The following MED27 variants were observed in gnomAD, a reference collection of about 807,000 sequenced individuals.
MED27 encodes the protein mediator complex subunit 27.
MED27 carries 30 observed loss-of-function variants against 38.2 expected under a neutral mutation model. The ratio of observed to expected loss-of-function variants is 0.79; its 90% CI spans 0.59 to 1.07. MED27 has a LOEUF of 1.07. Ranked by LOEUF, MED27 falls within the 50% of genes least tolerant of loss-of-function variation. MED27 has a pLI of 0.00. For missense variants in MED27, 289 were observed against 397.5 expected, an observed-to-expected ratio of 0.73 and a Z score of 2.32; for synonymous variants, 122 against 153.5, an observed-to-expected ratio of 0.79 and a Z score of 1.52.
intron 4 of MED27, among the ~76,000 whole-genome samples, chr9:131,911,739 T>C (rs1830192908): frequency 6.6e-6 from 1 of 152,214 alleles, no homozygotes; most frequent in African/African-American, 2.4e-5. Context: ...GCAGAGTACC[T>C]AGCAACGTAT....
rs1830743051 is a variant in MED27, at chr9:131,939,391, G to A, written c.563C>T (p.Ala188Val). 6.2e-7 allele frequency: 1 copy of A among 1,606,256 alleles called. No homozygotes were observed. The highest frequency in any genetic ancestry group is 1.3e-5 in the African/African-American group (1 of 74,496). ...TCAAGCTGATCTTACCAGAAGCATT[G>A]CTGATGTTCCATTGGGTCTGGATAA... ...IHLSRPNGTSAMLLVTLGKVL... is the reference protein window; with the variant it reads ...IHLSRPNGTSVMLLVTLGKVL... Residue 188 changes from alanine (A) to valine (V), a missense_variant, in exon 4 of 8, where the codon GCA becomes GTA. Coordinates refer to ENST00000292035, the MANE Select transcript of MED27 (RefSeq NM_004269.4).
At chr9:131,882,215 C>T (rs2131481970) in intron 6 of MED27, among the ~76,000 whole-genome samples, 1 of 152,252 alleles carries the variant, frequency 6.6e-6, no homozygotes, top group Non-Finnish European at 1.5e-5. Context: ...CTCTGCCTAG[C>T]CCTTATCACC....
intron 2 of MED27, among the ~76,000 whole-genome samples, chr9:132,039,171 G>T (rs1302172726): frequency 6.6e-6 from 1 of 152,168 alleles, no homozygotes; most frequent in East Asian, 1.9e-4. Flanking sequence ...AAGCTTGAAA[G>T]CAAAGAAACC....
At chr9:132,034,943 C>CG (rs1833042942) in intron 2 of MED27, among the ~76,000 whole-genome samples, 1 of 152,136 alleles carries the variant, frequency 6.6e-6, no homozygotes, top group Non-Finnish European at 1.5e-5. Context: ...ATCAGTTCAC[C>CG]GGACCATACA....
Position 131,936,845 on chromosome 9 carries a change from C to T in MED27, c.573+2536G>A, listed in dbSNP as rs1455135635. ...AGCCCAGCCAATTCAGGAGGAAATG[C>T]CGTTTTATTTCAAAAGCACAGGCAC... On this transcript the variant is annotated intron_variant, in intron 4 of 7. Coordinates refer to ENST00000292035, the MANE Select transcript of MED27 (RefSeq NM_004269.4). 2.0e-5 allele frequency among the ~76,000 whole-genome samples: 3 copies of T among 152,144 alleles called. No individual in the cohort carries two copies. The East Asian group carries it at 5.8e-4, about 29-fold the overall frequency.
At position 132,014,211 on chromosome 9, in the gene MED27, C is replaced by T. The variant is rs115606921; in HGVS notation, c.479+126G>A. 4,144 of 1,073,826 alleles carry T rather than the reference C, an allele frequency of 3.9e-3. 100 individuals carry two copies. The African/African-American group carries it at 0.053, about 14-fold the overall frequency. The allele number at this position is 1,073,826 out of a possible 1,614,324, so 66.5% of individuals were successfully genotyped here. A position where few individuals can be genotyped will look rare whatever the true frequency, so the allele number is the denominator to read the frequency against. Reference sequence around the variant, plus strand: ...CAGCCAGGGTGAAAAAGTAAGACTCCGTCTCAAAAAAAGGAAGGGAGGGAG... The same window carrying T: ...CAGCCAGGGTGAAAAAGTAAGACTCTGTCTCAAAAAAAGGAAGGGAGGGAG... On this transcript the variant is annotated intron_variant, in intron 3 of 7. Coordinates refer to ENST00000292035, the MANE Select transcript of MED27 (RefSeq NM_004269.4).
intron 6 of MED27, among the ~76,000 whole-genome samples, chr9:131,870,382 C>T (rs932474422): frequency 2.6e-5 from 4 of 152,168 alleles, no homozygotes; most frequent in African/African-American, 4.8e-5. Flanking sequence ...CTCAAGTGTA[C>T]GACGCATGGC....
intron 2 of MED27, among the ~76,000 whole-genome samples, chr9:132,032,651 A>C (rs1008088718): frequency 2.6e-5 from 4 of 152,196 alleles, no homozygotes; most frequent in Non-Finnish European, 5.9e-5. Context: ...CTCTTAACTA[A>C]CTTGAGGGGT....
chr9:132,027,352 G>A (rs186611498), intron 2 of MED27, among the ~76,000 whole-genome samples: 2 of 152,308 alleles, frequency 1.3e-5, no homozygotes, highest in African/African-American at 2.4e-5. Flanking sequence ...AGCAGCTTCC[G>A]GCCATTTGCC....
chr9:131,937,273 C>A (rs528441636), intron 4 of MED27, among the ~76,000 whole-genome samples: 1 of 152,340 alleles, frequency 6.6e-6, no homozygotes, highest in South Asian at 2.1e-4. Flanking sequence ...CCATGGCAAT[C>A]TGATTCTGAA....
chr9:131,989,746 G>A (rs1233469878), intron 3 of MED27, among the ~76,000 whole-genome samples: 1 of 150,250 alleles, frequency 6.7e-6, no homozygotes, highest in Non-Finnish European at 1.5e-5. Flanking sequence ...TTGCCATCCT[G>A]TTTCATGTAT....
At chr9:132,018,379 G>T (rs957698913) in intron 2 of MED27, among the ~76,000 whole-genome samples, 1 of 152,180 alleles carries the variant, frequency 6.6e-6, no homozygotes, top group African/African-American at 2.4e-5. Flanking sequence ...AAAAGGAAAT[G>T]ATAAAAACAG....
intron 2 of MED27, among the ~76,000 whole-genome samples, chr9:132,064,956 A>G (rs1024576930): frequency 1.3e-5 from 2 of 152,232 alleles, no homozygotes; most frequent in Non-Finnish European, 2.9e-5. Flanking sequence ...TGGGCACTTT[A>G]GTCCTCTGTC....
chr9:131,927,799 T>C (rs1830509215), intron 4 of MED27, among the ~76,000 whole-genome samples: 1 of 152,124 alleles, frequency 6.6e-6, no homozygotes, highest in African/African-American at 2.4e-5. Context: ...CCTTTTCCCT[T>C]TTTATACTCT....
chr9:131,994,047 T>C (rs1832037408), intron 3 of MED27, among the ~76,000 whole-genome samples: 1 of 152,234 alleles, frequency 6.6e-6, no homozygotes. Context: ...CTTGTTTCTA[T>C]TAATCTTTCT....
intron 4 of MED27, among the ~76,000 whole-genome samples, chr9:131,914,011 G>A (rs116521793): frequency 0.013 from 1,976 of 152,254 alleles, 39 homozygotes; most frequent in African/African-American, 0.044. Flanking sequence ...TCTAAGACTT[G>A]GAAATATGAT....
intron 2 of MED27, among the ~76,000 whole-genome samples, chr9:132,026,812 C>T (rs1039391492): frequency 6.6e-5 from 10 of 152,170 alleles, no homozygotes; most frequent in African/African-American, 1.9e-4. Flanking sequence ...AATGTGTATA[C>T]AGGACTCACT....
At chr9:132,060,846 G>A (rs1833682529) in intron 2 of MED27, among the ~76,000 whole-genome samples, 1 of 152,166 alleles carries the variant, frequency 6.6e-6, no homozygotes. Flanking sequence ...CTACTTGGGA[G>A]GCTGAGGCAG....
chr9:131,935,474 C>G (rs1348846571), intron 4 of MED27, among the ~76,000 whole-genome samples: 1 of 152,150 alleles, frequency 6.6e-6, no homozygotes, highest in East Asian at 1.9e-4. Flanking sequence ...CATGCCTTGG[C>G]AAGAGAAAGA....
Sources: gnomAD v4.1 joint callset for allele counts (sites outside exome capture counted in the v4.1 genomes callset) on GRCh38, gnomAD v4.1.1 for gene constraint, MANE v1.5 for transcripts, NCBI Gene and HGNC (gene_info 2026-07-23, HGNC 2026-07-21) for gene names.